The following CHAF1B variants were observed in gnomAD, a reference collection of about 807,000 sequenced individuals.
CHAF1B encodes the protein CAF-1 subunit B.
A neutral mutation model predicts 60.7 loss-of-function variants in CHAF1B; 10 were observed. The ratio of observed to expected loss-of-function variants is 0.16; its 90% CI spans 0.10 to 0.28. The LOEUF is 0.28. Ranked by LOEUF, CHAF1B falls within the 10% of genes least tolerant of loss-of-function variation. The pLI is 1.00. For missense variants in CHAF1B, 558 were observed against 708.4 expected (o/e 0.79, Z 2.41); for synonymous variants, 261 against 266.1 (o/e 0.98, Z 0.19).
intron 3 of CHAF1B, among the ~76,000 whole-genome samples, chr21:36,389,800 T>TGTGCGCGCGCGCGC: frequency 9.7e-4 from 121 of 124,788 alleles, no homozygotes; most frequent in African/African-American, 3.6e-3. Context: ...TGTGTGTGTG[T>TGTGCGCGCGCGCGC]GCGCGCGCAC....
intron 7 of CHAF1B, among the ~76,000 whole-genome samples, chr21:36,400,464 T>C (rs1157133559): frequency 6.6e-6 from 1 of 151,764 alleles, no homozygotes; most frequent in Non-Finnish European, 1.5e-5. Context: ...AGAGCGAAAC[T>C]CAGTCTCAAA....
chr21:36,409,528 T>C, intron 10 of CHAF1B, 63 bp downstream of exon 10: 2 of 1,195,756 alleles, frequency 1.7e-6, no homozygotes, highest in Non-Finnish European at 2.5e-6. Flanking sequence ...CAGAGTGGGG[T>C]GGAGATTTGG....
chr21:36,385,811 G>T (rs1387395485), intron 1 of CHAF1B, among the ~76,000 whole-genome samples: 2 of 152,162 alleles, frequency 1.3e-5, no homozygotes, highest in Non-Finnish European at 2.9e-5. Flanking sequence ...CCGTGCAGAC[G>T]GCCGGGGCCC....
chr21:36,385,991 C>A, intron 1 of CHAF1B, 69 bp from the exon 2 acceptor site: 2 of 892,270 alleles, frequency 2.2e-6, no homozygotes, highest in Non-Finnish European at 3.5e-6. Flanking sequence ...TTTTAAATGG[C>A]TCCTGGCCCC....
At chr21:36,416,218 C>A in intron 13 of CHAF1B, 57 bp from the exon 14 acceptor site, 1 of 1,451,446 alleles carries the variant, frequency 6.9e-7, no homozygotes, top group Non-Finnish European at 9.6e-7. Flanking sequence ...AAATGTCAGC[C>A]CTTGACTTCC....
chr21:36,394,421 G>A (rs1348924036), intron 4 of CHAF1B, 126 bp from the exon 5 acceptor site: 4 of 663,834 alleles, frequency 6.0e-6, no homozygotes, highest in Non-Finnish European at 1.1e-5. Flanking sequence ...TGTTAGCCAG[G>A]CTGGCCTTGA....
Position 36,389,800 on chromosome 21 carries a change from T to TGTGCGCGCGC in CHAF1B, c.260-1750_260-1749insTGCGCGCGCG. Among the ~76,000 whole-genome samples the TGTGCGCGCGC allele has an allele frequency of 1.3e-3, 161 of 124,782 alleles. 2 individuals carry two copies. Among genetic ancestry groups the TGTGCGCGCGC allele is most frequent in the African/African-American group, 3.0e-3 (84 of 28,444 alleles). 81.9% of individuals were successfully genotyped at this position (124,782 alleles called of 152,430 possible). On this transcript the variant is annotated intron_variant, in intron 3 of 13. Coordinates refer to ENST00000314103, the MANE Select transcript of CHAF1B (RefSeq NM_005441.3). ...GTGTGTGTGTGTGTGTGTGTGTGTG[T>TGTGCGCGCGC]GCGCGCGCACGCTGATTTGTAGAGG...
At chr21:36,410,455 T>C (rs2086269111) in intron 10 of CHAF1B, among the ~76,000 whole-genome samples, 1 of 152,192 alleles carries the variant, frequency 6.6e-6, no homozygotes, top group Admixed American at 6.5e-5. Context: ...TGGCCTTTGA[T>C]ACTACTTACT....
intron 4 of CHAF1B, among the ~76,000 whole-genome samples, chr21:36,392,460 C>A (rs8129103): frequency 1.3e-5 from 2 of 152,146 alleles, no homozygotes; most frequent in Non-Finnish European, 2.9e-5. Context: ...GACGGGGTGG[C>A]GGCCGGGTAG....
chr21:36,403,663 A>G (rs941505432), intron 8 of CHAF1B, among the ~76,000 whole-genome samples: 6 of 152,190 alleles, frequency 3.9e-5, no homozygotes, highest in Non-Finnish European at 8.8e-5. Context: ...GTCAAAATCA[A>G]AAGGTCAGCC....
At chr21:36,395,983 G>A (rs905024976) in intron 5 of CHAF1B, among the ~76,000 whole-genome samples, 40 of 150,880 alleles carry the variant, frequency 2.7e-4, no homozygotes, top group Non-Finnish European at 4.7e-4. Flanking sequence ...TCCATCCTCC[G>A]TTCTGTCTTG....
rs1372842784 is a variant in CHAF1B at position 36,413,106 on chromosome 21, C to T, written c.1284C>T (p.Ser428=). The T allele has an allele frequency of 6.2e-7, 1 of 1,614,138 alleles. No homozygotes were observed. Among genetic ancestry groups the T allele is most frequent in the Non-Finnish European group, 8.5e-7 (1 of 1,180,010 alleles). The part of the protein sequence containing the change: ...GTPASRTQDP[S]SPGTTPPQAR... The stretch of plus-strand genomic sequence containing the variant: ...CTGCCAGCAGAACCCAAGACCCCAG[C>T]AGCCCCGGCACGACTCCCCCTCAGG... The change falls in exon 12 of 14, where the codon AGC becomes AGT. Residue 428 remains serine (S), a synonymous_variant. Transcript: ENST00000314103.
chr21:36,402,720 A>G, intron 7 of CHAF1B, 38 bp from the exon 8 acceptor site: 1 of 1,551,914 alleles, frequency 6.4e-7, no homozygotes, highest in East Asian at 2.2e-5. Flanking sequence ...TAGAAAACAA[A>G]CAAAAAAAAT....
chr21:36,410,209 C>T (rs2086267473), intron 10 of CHAF1B, among the ~76,000 whole-genome samples: 1 of 152,144 alleles, frequency 6.6e-6, no homozygotes, highest in African/African-American at 2.4e-5. Context: ...GTGATCCACC[C>T]ACCTTGGCCT....
At chr21:36,387,852 C>G in intron 3 of CHAF1B, 122 bp downstream of exon 3, 4 of 1,220,584 alleles carry the variant, frequency 3.3e-6, no homozygotes, top group Non-Finnish European at 3.4e-6. Context: ...GAGTTTCACT[C>G]TTGTTCCCCA....
chr21:36,412,965 A>G lies in CHAF1B; in HGVS notation c.1143A>G (p.Gly381=). ...TGACATTTGAGAAAGATGAACTTGG[A>G]ATTCCTTTGAAAGAGAAGCCAGTTT... ...SFVTFEKDEL[G]IPLKEKPVLN... is the part of the protein sequence containing the mutation. Residue 381 remains glycine (G), a synonymous_variant, in exon 12 of 14, where the codon GGA becomes GGG. Transcript: ENST00000314103. 1 of 1,614,160 alleles carries G rather than the reference A, an allele frequency of 6.2e-7. No individual in the cohort carries two copies. The highest frequency in any genetic ancestry group is 8.5e-7 in the Non-Finnish European group (1 of 1,180,048).
At chr21:36,407,862 C>T (rs1273947243) in intron 8 of CHAF1B, among the ~76,000 whole-genome samples, 13 of 151,968 alleles carry the variant, frequency 8.6e-5, no homozygotes, top group Non-Finnish European at 1.5e-4. Context: ...CCTGTAATCC[C>T]GGCTACTCAG....
chr21:36,394,190 C>T (rs1163637463), intron 4 of CHAF1B, among the ~76,000 whole-genome samples: 1 of 151,994 alleles, frequency 6.6e-6, no homozygotes, highest in Non-Finnish European at 1.5e-5. Context: ...GATTCCCCTC[C>T]CTCACCCTCC....
At position 36,413,036 on chromosome 21, in the gene CHAF1B, C is replaced by T; in HGVS notation, c.1214C>T (p.Thr405Ile). 1 of 1,614,188 alleles carries T rather than the reference C, an allele frequency of 6.2e-7. No homozygotes were observed. Among genetic ancestry groups the T allele is most frequent in the Admixed American group, 1.7e-5 (1 of 60,022 alleles). Residue 405 changes from threonine to isoleucine, a missense_variant, in exon 12 of 14, where the codon ACA (threonine) becomes ATA (isoleucine). Coordinates refer to ENST00000314103, the MANE Select transcript of CHAF1B (RefSeq NM_005441.3). Reference protein sequence around the residue: ...PDTAKKTKSQTHRGSSPGPRP... With the variant: ...PDTAKKTKSQIHRGSSPGPRP... ...ACAGCAAAGAAAACCAAGAGTCAGA[C>T]ACATCGAGGGTCTTCGCCAGGACCC...
Sources: gnomAD v4.1 joint callset for allele counts (sites outside exome capture counted in the v4.1 genomes callset) on GRCh38, gnomAD v4.1.1 for gene constraint, MANE v1.5 for transcripts, NCBI Gene and HGNC (gene_info 2026-07-23, HGNC 2026-07-21) for gene names.